Variants in FMN1 observed in about 807,000 individuals in gnomAD.
FMN1 encodes formin 1, also known as formin-1.
Under a neutral mutation model 132.4 loss-of-function variants are expected in FMN1, and 110 were observed. The observed-to-expected ratio is 0.83, with a 90% CI of 0.71 to 0.97. The LOEUF (loss-of-function observed/expected upper bound fraction) is 0.97, where lower values mean the gene tolerates loss of function less well. Among genes scored for constraint, FMN1 ranks in the 50% least tolerant of loss-of-function variants. The probability of loss-of-function intolerance (pLI) is 0.00; values close to 1 mark genes in which losing one functional copy is unlikely to be tolerated. For synonymous variants in FMN1, 722 were observed against 651.7 expected (o/e 1.11, Z -1.64); for missense variants, 1,792 against 1,705.3 (o/e 1.05, Z -0.90).
rs760468571 is a variant in FMN1, at chr15:32,940,721, C to CAG, written c.3139-14462_3139-14461dup. 2.1e-4 allele frequency among the ~76,000 whole-genome samples: 32 copies of CAG among 152,210 alleles called. 1 individual carries two copies. The East Asian group carries it at 3.1e-3, about 15-fold the overall frequency. On this transcript the variant is annotated intron_variant, in intron 9 of 20. Coordinates refer to ENST00000616417, the MANE Select transcript of FMN1 (RefSeq NM_001277313.2). Reference sequence around the variant, plus strand: ...TCTCACTTTTATAAAACCTCTCCATCAGAGTCTTGAGAGATGATAGGCTCT... The same window carrying CAG: ...TCTCACTTTTATAAAACCTCTCCATCAGAGAGTCTTGAGAGATGATAGGCTCT...
Position 32,969,084 on chromosome 15 carries a change from C to T in FMN1, c.2617G>A (p.Ala873Thr), listed in dbSNP as rs372119445. 1.8e-5 allele frequency: 29 copies of T among 1,598,562 alleles called. No individual in the cohort carries two copies. Among genetic ancestry groups the T allele is most frequent in the Middle Eastern group, 1.7e-4 (1 of 5,992 alleles). Residue 873 changes from alanine (A) to threonine (T), a missense_variant, in exon 8 of 21, where the codon GCA (alanine) becomes ACA (threonine). This residue lies in a region of FMN1 where 1,150 missense variants were observed against 1,043.1 expected (regional missense o/e 1.10). Transcript: ENST00000616417. ...NQQKALPPPP[A>T]SIPPPPPLPS... The stretch of plus-strand genomic sequence containing the variant: ...AGGGGCGGAGGGGGAGGGATGGATG[C>T]GGGAGGCGGAGGCAATGCCTTCTGC...
chr15:33,108,268 C>A (rs2039561646), intron 4 of FMN1, among the ~76,000 whole-genome samples: 1 of 151,966 alleles, frequency 6.6e-6, no homozygotes, highest in South Asian at 2.1e-4. Context: ...CTCAATCAGA[C>A]AACTAAACAC....
At chr15:33,128,124 G>A (rs149045845) in intron 4 of FMN1, among the ~76,000 whole-genome samples, 6 of 152,296 alleles carry the variant, frequency 3.9e-5, no homozygotes, top group Admixed American at 6.5e-5. Flanking sequence ...GAGACACCAT[G>A]GTGATGGGAG....
Position 33,065,369 on chromosome 15 carries a change from T to C in FMN1, c.2044-295A>G, listed in dbSNP as rs140920408. Among the ~76,000 whole-genome samples, 814 of 152,280 alleles carry C rather than the reference T, an allele frequency of 5.3e-3. 14 individuals carry two copies. Among genetic ancestry groups the C allele is most frequent in the African/African-American group, 0.019 (777 of 41,546 alleles). The stretch of plus-strand genomic sequence containing the variant: ...ATAATTATTTGAAAAAGCACAAATA[T>C]ACTTTGACCTGAAGGTACAGACATA... On this transcript the variant is annotated intron_variant, in intron 5 of 20. Transcript: ENST00000616417.
At chr15:32,804,480 A>G (rs2057599394) in intron 17 of FMN1, 148 bp from the exon 18 acceptor site, 1 of 575,292 alleles carries the variant, frequency 1.7e-6, no homozygotes, top group Non-Finnish European at 3.0e-6. Flanking sequence ...TGTCCTGGCA[A>G]TAACACTCAA....
intron 5 of FMN1, among the ~76,000 whole-genome samples, chr15:33,087,841 A>T: frequency 6.6e-6 from 1 of 152,256 alleles, no homozygotes; most frequent in African/African-American, 2.4e-5. Flanking sequence ...ACATATACAT[A>T]CACACACATA....
intron 9 of FMN1, among the ~76,000 whole-genome samples, chr15:32,955,581 A>C (rs865910973): frequency 1.8e-4 from 28 of 152,192 alleles, no homozygotes; most frequent in African/African-American, 6.3e-4. Flanking sequence ...AATGGCCTGG[A>C]TTGAGGATAA....
intron 5 of FMN1, among the ~76,000 whole-genome samples, chr15:33,082,888 A>G (rs745934732): frequency 6.6e-6 from 1 of 152,128 alleles, no homozygotes; most frequent in Admixed American, 6.5e-5. Flanking sequence ...ATTAAAAAAA[A>G]CCAAAAAATT....
chr15:32,947,922 T>C (rs1043497019), intron 9 of FMN1, among the ~76,000 whole-genome samples: 1 of 152,058 alleles, frequency 6.6e-6, no homozygotes, highest in Admixed American at 6.6e-5. Flanking sequence ...CATTTCTTCC[T>C]TTCCAATATA....
At chr15:33,103,453 T>TA (rs1219175191) in intron 4 of FMN1, among the ~76,000 whole-genome samples, 1 of 152,112 alleles carries the variant, frequency 6.6e-6, no homozygotes, top group Non-Finnish European at 1.5e-5. Flanking sequence ...CACTGGCTGT[T>TA]AGAATTATTA....
At chr15:33,033,778 C>T (rs982443279) in intron 6 of FMN1, among the ~76,000 whole-genome samples, 1 of 152,044 alleles carries the variant, frequency 6.6e-6, no homozygotes, top group Non-Finnish European at 1.5e-5. Flanking sequence ...TATCCCGACA[C>T]CTCCAATACT....
rs562792315 is a variant in FMN1, at chr15:33,019,264, T to C, written c.2162-11189A>G. On this transcript the variant is annotated intron_variant, in intron 6 of 20. Coordinates refer to ENST00000616417, the MANE Select transcript of FMN1 (RefSeq NM_001277313.2). ...AGATTAGCTAGATACAGAGTGTCCA[T>C]TGGTGTATTTACAAACCCTGAGCGG... Among the ~76,000 whole-genome samples, 45 of 152,316 alleles carry C rather than the reference T, an allele frequency of 3.0e-4. 1 individual carries two copies. In the South Asian group the frequency reaches 7.1e-3, roughly 24 times the overall value.
chr15:32,969,794 T>A (rs969039296), intron 7 of FMN1, among the ~76,000 whole-genome samples: 11 of 152,218 alleles, frequency 7.2e-5, no homozygotes, highest in Non-Finnish European at 8.8e-5. Context: ...ACAAAACTTT[T>A]AATAAAGTTT....
chr15:32,845,595 G>C (rs1018129368), intron 17 of FMN1, among the ~76,000 whole-genome samples: 2 of 152,180 alleles, frequency 1.3e-5, no homozygotes, highest in Admixed American at 6.5e-5. Flanking sequence ...CCCTGACCCT[G>C]AGTAAGTTAC....
At chr15:32,835,058 G>A (rs2058590629) in intron 17 of FMN1, among the ~76,000 whole-genome samples, 1 of 152,190 alleles carries the variant, frequency 6.6e-6, no homozygotes, top group Non-Finnish European at 1.5e-5. Flanking sequence ...GTTTGGGTTT[G>A]TTTGGAAGCA....
At chr15:33,025,838 G>C (rs1173858275) in intron 6 of FMN1, among the ~76,000 whole-genome samples, 1 of 152,072 alleles carries the variant, frequency 6.6e-6, no homozygotes, top group Non-Finnish European at 1.5e-5. Flanking sequence ...ATCAGATTCA[G>C]AATATCTTTC....
At chr15:33,018,918 A>C (rs1443027768) in intron 6 of FMN1, among the ~76,000 whole-genome samples, 2 of 152,158 alleles carry the variant, frequency 1.3e-5, no homozygotes, top group East Asian at 3.9e-4. Context: ...TCAGGAGTGA[A>C]GCTGCAGACC....
chr15:32,893,328 A>G (rs1205554127), intron 15 of FMN1, among the ~76,000 whole-genome samples: 1 of 152,100 alleles, frequency 6.6e-6, no homozygotes, highest in Non-Finnish European at 1.5e-5. Flanking sequence ...ATCTCTTTCC[A>G]TTTTCCAAAA....
At chr15:32,979,350 T>G (rs139672937) in intron 7 of FMN1, among the ~76,000 whole-genome samples, 3,402 of 152,006 alleles carry the variant, frequency 0.022, 70 homozygotes, top group Middle Eastern at 0.051. Context: ...GGTCAGGAGA[T>G]CGAGACCATC....
Sources: gnomAD v4.1 joint callset for allele counts (sites outside exome capture counted in the v4.1 genomes callset) on GRCh38, gnomAD v4.1.1 for gene constraint, gnomAD v4.1.1 regional missense constraint, MANE v1.5 for transcripts, NCBI Gene and HGNC (gene_info 2026-07-23, HGNC 2026-07-21) for gene names.